MORC1: variants seen among roughly 807,000 people sequenced by gnomAD.
The protein encoded by MORC1 is MORC family CW-type zinc finger 1.
In MORC1, 59 loss-of-function variants were observed where a neutral mutation model predicts 134.9. The ratio of observed to expected loss-of-function variants is 0.44; its 90% confidence interval spans 0.35 to 0.54. MORC1 has a LOEUF of 0.54. Ranked by LOEUF, MORC1 falls within the 20% of genes least tolerant of loss-of-function variation. The pLI is 0.00. For missense variants in MORC1, 947 were observed against 1,134.5 expected (o/e 0.83, Z 2.37); for synonymous variants, 395 against 391.7 (o/e 1.01, Z -0.10).
At position 109,040,485 on chromosome 3, in the gene MORC1, A is replaced by AAAGAAAGAAAGAAAGAAAGAAAGG. The variant is rs61499269; in HGVS notation, c.1331-5018_1331-5017insCCTTTCTTTCTTTCTTTCTTTCTT. Among the ~76,000 whole-genome samples the AAAGAAAGAAAGAAAGAAAGAAAGG allele has an allele frequency of 1.5e-3, 174 of 114,570 alleles. 14 individuals carry two copies. Among genetic ancestry groups the AAAGAAAGAAAGAAAGAAAGAAAGG allele is most frequent in the Admixed American group, 3.1e-3 (31 of 9,918 alleles). 75.2% of individuals were successfully genotyped at this position (114,570 alleles called of 152,430 possible). ...GAAAGAAAGAAAGAAAGAAAGAAAGAAAGGAAAGAAAAGAAAGGAAGGAAG... is the reference window on the plus strand; with the variant it reads ...GAAAGAAAGAAAGAAAGAAAGAAAGAAAGAAAGAAAGAAAGAAAGAAAGGAAGGAAAGAAAAGAAAGGAAGGAAG... On this transcript the variant is annotated intron_variant, in intron 14 of 27. Transcript: ENST00000232603.
chr3:108,969,664 C>A lies in MORC1; in HGVS notation c.2604+5G>T. The A allele has an allele frequency of 6.2e-7, 1 of 1,612,682 alleles. No individual in the cohort carries two copies. The highest frequency in any genetic ancestry group is 8.5e-7 in the Non-Finnish European group (1 of 1,178,818). On this transcript the variant is annotated splice_donor_5th_base_variant and intron_variant, in intron 26 of 27. Coordinates refer to ENST00000232603, the MANE Select transcript of MORC1 (RefSeq NM_014429.4). ...TATAAATGGTGATACTGAAAGGAAG[C>A]TTACCTGGTTGAAACACATTTTCAG...
rs767418985 is a variant in MORC1, at chr3:109,054,870, G to A, written c.1188C>T (p.Gly396=). ...AGGGTATATTAACAATTCCAACCAC[G>A]CCTGCGCCAAGTCTGAGAAAATATA... is the stretch of plus-strand genomic sequence containing the variant. ...QLKLKSLLGA[G]VVGIVNIPLE... Residue 396 remains glycine (G), a synonymous_variant, in exon 14 of 28, where the codon GGC becomes GGT. Transcript: ENST00000232603. 1.0e-4 allele frequency: 161 copies of A among 1,595,332 alleles called. No homozygotes were observed. The highest frequency in any genetic ancestry group is 1.7e-4 in the Middle Eastern group (1 of 5,962).
intron 23 of MORC1, among the ~76,000 whole-genome samples, chr3:108,982,726 T>TAAAAAAAA (rs72358419): frequency 6.8e-5 from 8 of 117,796 alleles, no homozygotes; most frequent in East Asian, 2.5e-4. Flanking sequence ...ACTTAAAGTA[T>TAAAAAAAA]AAAAAAAAAA....
At chr3:109,098,544 T>C (rs778495928) in intron 6 of MORC1, among the ~76,000 whole-genome samples, 10 of 152,176 alleles carry the variant, frequency 6.6e-5, no homozygotes, top group Non-Finnish European at 1.3e-4. Context: ...GCTGAGGCCA[T>C]TAATCTCCAG....
At chr3:109,033,261 GA>G (rs1949280885) in intron 15 of MORC1, among the ~76,000 whole-genome samples, 1 of 149,238 alleles carries the variant, frequency 6.7e-6, no homozygotes. Flanking sequence ...TAAACTGAAA[GA>G]AAGAAAGAAG....
At chr3:109,024,517 G>A (rs1949029730) in intron 17 of MORC1, among the ~76,000 whole-genome samples, 1 of 152,120 alleles carries the variant, frequency 6.6e-6, no homozygotes. Flanking sequence ...AAAGATTTTT[G>A]ATTTACCTGG....
chr3:109,089,069 G>A lies in MORC1; in HGVS notation c.689+4367C>T, dbSNP rs143746448. 3.4e-3 allele frequency among the ~76,000 whole-genome samples: 510 copies of A among 152,208 alleles called. 12 individuals carry two copies. Among genetic ancestry groups the A allele is most frequent in the African/African-American group, 0.012 (490 of 41,494 alleles). ...TAGACACTGGGGTCTTGAGCATGGA[G>A]GGTGGGAGGAGGGAAAGGAGCAGAA... On this transcript the variant is annotated intron_variant, in intron 8 of 27. Transcript: ENST00000232603.
chr3:108,988,826 C>G (rs779452903), intron 21 of MORC1, among the ~76,000 whole-genome samples: 2 of 152,096 alleles, frequency 1.3e-5, no homozygotes, highest in African/African-American at 2.4e-5. Flanking sequence ...TACAGCCTCA[C>G]GAAATTAATT....
chr3:109,033,755 C>CTCA (rs977631448), intron 15 of MORC1, among the ~76,000 whole-genome samples: 1 of 152,038 alleles, frequency 6.6e-6, no homozygotes, highest in Admixed American at 6.5e-5. Context: ...CATCCTCCTC[C>CTCA]TCATCATCAT....
chr3:108,996,282 G>GCACACACACACACACA (rs71625232), intron 21 of MORC1, among the ~76,000 whole-genome samples: 2 of 48,710 alleles, frequency 4.1e-5, no homozygotes, highest in African/African-American at 6.5e-5. Flanking sequence ...GCGTGCGCGC[G>GCACACACACACACACA]CGCGCACACA....
intron 1 of MORC1, 149 bp downstream of exon 1, chr3:109,117,846 C>G (rs192543636): frequency 2.4e-4 from 170 of 695,902 alleles, no homozygotes; most frequent in Middle Eastern, 8.8e-4. Context: ...ATGCTTTCAT[C>G]GTTTTAAAAA....
chr3:109,076,214 C>T (rs541544365), intron 8 of MORC1, among the ~76,000 whole-genome samples: 1 of 151,978 alleles, frequency 6.6e-6, no homozygotes, highest in South Asian at 2.1e-4. Flanking sequence ...ATGTGGCCAA[C>T]AAACGTATGA....
intron 13 of MORC1, 104 bp downstream of exon 13, chr3:109,057,239 C>T: frequency 1.7e-6 from 2 of 1,210,968 alleles, no homozygotes; most frequent in Non-Finnish European, 2.3e-6. Flanking sequence ...GAGACTATGA[C>T]ACTTGCTCCC....
intron 4 of MORC1, 92 bp downstream of exon 4, chr3:109,103,757 T>C: frequency 8.5e-7 from 1 of 1,177,368 alleles, no homozygotes; most frequent in Non-Finnish European, 1.3e-6. Context: ...GCTCCATACC[T>C]GTTTTTGCAT....
intron 14 of MORC1, among the ~76,000 whole-genome samples, chr3:109,039,421 G>A (rs1200478264): frequency 6.6e-6 from 1 of 152,144 alleles, no homozygotes; most frequent in Non-Finnish European, 1.5e-5. Flanking sequence ...TAAATGTGAA[G>A]GCACACTAAA....
chr3:108,966,826 G>A (rs932216527), intron 26 of MORC1, among the ~76,000 whole-genome samples: 1 of 152,110 alleles, frequency 6.6e-6, no homozygotes, highest in East Asian at 1.9e-4. Context: ...ACCAGTGTAA[G>A]TAAGTTGGAA....
intron 8 of MORC1, among the ~76,000 whole-genome samples, chr3:109,090,578 C>G (rs1950698226): frequency 6.8e-6 from 1 of 146,108 alleles, no homozygotes; most frequent in Non-Finnish European, 1.5e-5. Context: ...CGAGACTGCA[C>G]CACTGAACTC....
intron 6 of MORC1, among the ~76,000 whole-genome samples, chr3:109,096,608 A>G (rs1378283501): frequency 6.6e-6 from 1 of 152,190 alleles, no homozygotes; most frequent in African/African-American, 2.4e-5. Flanking sequence ...TGGAAAATTC[A>G]TGAATAATCA....
At chr3:108,971,519 G>A (rs899510639) in intron 24 of MORC1, 117 bp from the exon 25 acceptor site, 4 of 801,034 alleles carry the variant, frequency 5.0e-6, no homozygotes, top group Non-Finnish European at 6.0e-6. Context: ...ATGAACATTA[G>A]TTCCCCCCAA....
Sources: gnomAD v4.1 joint callset for allele counts (sites outside exome capture counted in the v4.1 genomes callset) on GRCh38, gnomAD v4.1.1 for gene constraint, MANE v1.5 for transcripts, NCBI Gene and HGNC (gene_info 2026-07-23, HGNC 2026-07-21) for gene names.